The following TOX2 variants were observed in gnomAD, a reference collection of about 807,000 sequenced individuals.
TOX2 encodes granulosa cell HMG box 1.
In TOX2, 15 loss-of-function variants were observed where a neutral mutation model predicts 47.4. The ratio of observed to expected loss-of-function variants is 0.32; its 90% CI spans 0.21 to 0.49. The LOEUF (loss-of-function observed/expected upper bound fraction) is 0.49. TOX2 is among the 20% of genes least tolerant of loss of function. TOX2 has a pLI of 0.99. For missense variants in TOX2, 622 were observed against 673.1 expected, an observed-to-expected ratio of 0.92 and a Z score of 0.84; for synonymous variants, 290 against 296.6, an observed-to-expected ratio of 0.98 and a Z score of 0.23.
chr20:44,042,455 T>C (rs1470869860), intron 3 of TOX2, among the ~76,000 whole-genome samples: 1 of 152,168 alleles, frequency 6.6e-6, no homozygotes, highest in Non-Finnish European at 1.5e-5. Context: ...CCAGGTTTTC[T>C]CCCAAAACTC....
At chr20:43,998,025 A>C (rs2070508855) in intron 2 of TOX2, among the ~76,000 whole-genome samples, 2 of 152,208 alleles carry the variant, frequency 1.3e-5, no homozygotes, top group Non-Finnish European at 2.9e-5. Flanking sequence ...ATTGATTCAC[A>C]GTTCTGCAGG....
intron 3 of TOX2, among the ~76,000 whole-genome samples, chr20:44,030,014 C>T (rs192717792): frequency 2.6e-5 from 4 of 152,266 alleles, no homozygotes; most frequent in East Asian, 1.9e-4. Context: ...AGGACTCTCC[C>T]GATGCTCCAC....
intron 1 of TOX2, among the ~76,000 whole-genome samples, chr20:43,951,117 G>A (rs1288505798): frequency 3.3e-5 from 5 of 152,162 alleles, no homozygotes. Flanking sequence ...TCTGGGGCCA[G>A]AGAAGGGTCT....
At chr20:44,023,385 G>A (rs532281957) in intron 3 of TOX2, among the ~76,000 whole-genome samples, 4 of 128,492 alleles carry the variant, frequency 3.1e-5, no homozygotes, top group African/African-American at 1.2e-4. Flanking sequence ...AGCCAAGATC[G>A]CACCACTGCA....
At chr20:44,053,930 T>C (rs1356151510) in intron 4 of TOX2, among the ~76,000 whole-genome samples, 2 of 152,218 alleles carry the variant, frequency 1.3e-5, no homozygotes, top group Non-Finnish European at 2.9e-5. Context: ...TGCAAATTTC[T>C]GTCCAGTAGA....
intron 2 of TOX2, among the ~76,000 whole-genome samples, chr20:43,996,518 C>T (rs942792332): frequency 2.6e-5 from 4 of 152,192 alleles, no homozygotes; most frequent in Non-Finnish European, 5.9e-5. Context: ...TTCTTGTCCT[C>T]ATTTTCATAA....
intron 2 of TOX2, among the ~76,000 whole-genome samples, chr20:44,005,873 C>T (rs1240020251): frequency 4.6e-5 from 7 of 151,982 alleles, no homozygotes; most frequent in Admixed American, 3.9e-4. Flanking sequence ...GAAAAAGGCC[C>T]GGATGTCTGT....
intron 1 of TOX2, among the ~76,000 whole-genome samples, chr20:43,963,647 G>A (rs900051125): frequency 5.3e-5 from 8 of 152,288 alleles, no homozygotes; most frequent in East Asian, 1.9e-4. Context: ...ACGAATGTGC[G>A]TTGTGCCCAG....
intron 2 of TOX2, among the ~76,000 whole-genome samples, chr20:43,982,980 A>G (rs570544138): frequency 6.9e-4 from 105 of 152,024 alleles, no homozygotes; most frequent in Middle Eastern, 3.4e-3. Context: ...GGGGAATGAC[A>G]CTGCACAATT....
intron 2 of TOX2, among the ~76,000 whole-genome samples, chr20:43,986,256 A>AACGT (rs2070261374): frequency 6.7e-6 from 1 of 149,660 alleles, no homozygotes; most frequent in Non-Finnish European, 1.5e-5. Flanking sequence ...AGCCTTTTAA[A>AACGT]ATGTATGTAT....
intron 3 of TOX2, among the ~76,000 whole-genome samples, chr20:44,016,609 C>G (rs970165180): frequency 1.3e-5 from 2 of 152,162 alleles, no homozygotes; most frequent in African/African-American, 4.8e-5. Flanking sequence ...TAGCACTACC[C>G]TAGTCAAAAT....
At chr20:44,038,721 A>G (rs1320516296) in intron 3 of TOX2, among the ~76,000 whole-genome samples, 1 of 152,076 alleles carries the variant, frequency 6.6e-6, no homozygotes, top group Non-Finnish European at 1.5e-5. Context: ...CGGAGGACGC[A>G]GGGTGGCTGC....
intron 1 of TOX2, among the ~76,000 whole-genome samples, chr20:43,950,950 A>G (rs2069553009): frequency 3.9e-5 from 6 of 151,998 alleles, no homozygotes; most frequent in Admixed American, 2.6e-4. Context: ...GAACCAGCCC[A>G]GCAATCAGAA....
chr20:43,933,979 C>T (rs1300777088), intron 1 of TOX2, among the ~76,000 whole-genome samples: 4 of 152,010 alleles, frequency 2.6e-5, no homozygotes, highest in African/African-American at 4.8e-5. Context: ...GGGGTGGCCG[C>T]CTCTCCTTTC....
intron 1 of TOX2, among the ~76,000 whole-genome samples, chr20:43,960,842 G>A (rs970799392): frequency 1.3e-5 from 2 of 152,202 alleles, no homozygotes; most frequent in African/African-American, 4.8e-5. Flanking sequence ...GAAGAATGTG[G>A]CCTAGCTCCT....
At chr20:44,056,851 CTATAAT>C (rs2071628078) in intron 5 of TOX2, among the ~76,000 whole-genome samples, 1 of 152,108 alleles carries the variant, frequency 6.6e-6, no homozygotes, top group African/African-American at 2.4e-5. Context: ...AAAAAAGTGT[CTATAAT>C]TATACACATA....
chr20:44,039,583 G>C (rs1408790559), intron 3 of TOX2, among the ~76,000 whole-genome samples: 3 of 152,172 alleles, frequency 2.0e-5, no homozygotes, highest in East Asian at 1.9e-4. Flanking sequence ...TTGTCTCAGG[G>C]GTGAACCCAG....
intron 1 of TOX2, among the ~76,000 whole-genome samples, chr20:43,917,647 C>T (rs925735219): frequency 1.3e-5 from 2 of 152,172 alleles, no homozygotes; most frequent in Non-Finnish European, 2.9e-5. Flanking sequence ...GTCCCCTTAG[C>T]GATCCTCTAC....
intron 3 of TOX2, among the ~76,000 whole-genome samples, chr20:44,051,035 CA>C (rs1409568519): frequency 6.6e-6 from 1 of 152,220 alleles, no homozygotes; most frequent in African/African-American, 2.4e-5. Flanking sequence ...AGCTCTCTGG[CA>C]GGGGCTGAAA....
Sources: gnomAD v4.1 joint callset for allele counts (sites outside exome capture counted in the v4.1 genomes callset) on GRCh38, gnomAD v4.1.1 for gene constraint, MANE v1.5 for transcripts, NCBI Gene and HGNC (gene_info 2026-07-23, HGNC 2026-07-21) for gene names.